The following KIF18A variants were observed in gnomAD, a reference collection of about 807,000 sequenced individuals.
The protein encoded by KIF18A is kinesin family member 18A.
In KIF18A, 67 loss-of-function variants were observed where a neutral mutation model predicts 103.3. That is an observed-to-expected ratio of 0.65 (90% CI 0.53 to 0.79). KIF18A has a LOEUF of 0.79. Among genes scored for constraint, KIF18A ranks in the 30% least tolerant of loss-of-function variants. The pLI, the probability that KIF18A is intolerant of heterozygous loss-of-function variation, is 0.00. For synonymous variants in KIF18A, 367 were observed against 355.5 expected (o/e 1.03, Z -0.36); for missense variants, 1,032 against 1,062.5 (o/e 0.97, Z 0.40).
chr11:28,095,099 C>T lies in KIF18A; in HGVS notation c.326-299G>A, dbSNP rs768468355. ...GTCTTCATCTTCCATCTTCTTTATC[C>T]TTTGCAATTTGTAGTCATCTTTATG... On this transcript the variant is annotated intron_variant, in intron 2 of 16. Coordinates refer to ENST00000263181, the MANE Select transcript of KIF18A (RefSeq NM_031217.4). Among the ~76,000 whole-genome samples, 5 of 152,262 alleles carry T rather than the reference C, an allele frequency of 3.3e-5. No homozygotes were observed. The South Asian group carries it at 8.3e-4, about 25-fold the overall frequency.
intron 1 of KIF18A, among the ~76,000 whole-genome samples, chr11:28,100,032 G>A (rs527897633): frequency 1.3e-5 from 2 of 152,236 alleles, no homozygotes; most frequent in East Asian, 1.9e-4. Context: ...AAAGGTGACA[G>A]AATTTACTGA....
intron 7 of KIF18A, among the ~76,000 whole-genome samples, chr11:28,084,020 A>C (rs890914958): frequency 2.0e-5 from 3 of 152,154 alleles, no homozygotes; most frequent in African/African-American, 7.2e-5. Flanking sequence ...TTAAACATAC[A>C]TATTTTGATA....
At chr11:28,107,289 C>A (rs185049562) in intron 1 of KIF18A, among the ~76,000 whole-genome samples, 4 of 152,044 alleles carry the variant, frequency 2.6e-5, no homozygotes, top group African/African-American at 9.6e-5. Flanking sequence ...ACCACAAAAT[C>A]AGTTCATTCT....
chr11:28,090,598 T>C lies in KIF18A; in HGVS notation c.699+19A>G, dbSNP rs367888464. ...ATTTTAAATCCAATTTTAAGAGTGA[T>C]AGTCTAGTGGCCTCTTACTTGGAAA... is the stretch of plus-strand genomic sequence containing the variant. On this transcript the variant is annotated intron_variant, in intron 5 of 16. Transcript: ENST00000263181. 55 of 1,221,466 alleles carry C rather than the reference T, an allele frequency of 4.5e-5. No homozygotes were observed. Among genetic ancestry groups the C allele is most frequent in the Non-Finnish European group, 6.4e-5 (53 of 831,820 alleles). 75.7% of individuals were successfully genotyped at this position (1,221,466 alleles called of 1,614,324 possible). A position where few individuals can be genotyped will look rare whatever the true frequency, so the allele number is the denominator to read the frequency against.
intron 7 of KIF18A, 112 bp from the exon 8 acceptor site, chr11:28,083,355 T>G (rs1851189244): frequency 1.7e-6 from 2 of 1,164,050 alleles, no homozygotes; most frequent in Admixed American, 7.4e-5. Flanking sequence ...TCAGAATTTG[T>G]GATAATTATG....
At chr11:28,089,679 G>A (rs963628210) in intron 5 of KIF18A, among the ~76,000 whole-genome samples, 23 of 152,164 alleles carry the variant, frequency 1.5e-4, no homozygotes, top group African/African-American at 5.1e-4. Context: ...GTCGTTATGC[G>A]GCACATGACT....
chr11:28,023,859 G>A lies in KIF18A; in HGVS notation c.2505-9C>T. ...AACTGTTTGATGTAGAACTTGAGAG[G>A]AAAAGTTTTTAATTTAGTTAAGCAT... is the stretch of plus-strand genomic sequence containing the variant. On this transcript the variant is annotated splice_polypyrimidine_tract_variant and intron_variant, in intron 15 of 16. Transcript: ENST00000263181. The A allele has an allele frequency of 6.4e-7, 1 of 1,553,106 alleles. No individual in the cohort carries two copies. Among genetic ancestry groups the A allele is most frequent in the Non-Finnish European group, 8.8e-7 (1 of 1,132,980 alleles).
intron 15 of KIF18A, among the ~76,000 whole-genome samples, chr11:28,034,735 T>C (rs1850459985): frequency 6.6e-6 from 1 of 151,752 alleles, no homozygotes; most frequent in Admixed American, 6.6e-5. Flanking sequence ...TCGGCCTCTA[T>C]GCCTTATGCC....
chr11:28,065,111 G>T lies in KIF18A; in HGVS notation c.1591-2595C>A, dbSNP rs148855142. On this transcript the variant is annotated intron_variant, in intron 11 of 16. Coordinates refer to ENST00000263181, the MANE Select transcript of KIF18A (RefSeq NM_031217.4). ...TCTGCATTAGGATAGCAGCAGAGGG[G>T]CATAAAGAGAAGTGGATAGATTCAG... Among the ~76,000 whole-genome samples the T allele has an allele frequency of 1.7e-3, 253 of 152,144 alleles. 1 individual carries two copies. Among genetic ancestry groups the T allele is most frequent in the African/African-American group, 5.9e-3 (244 of 41,546 alleles).
At chr11:28,095,663 T>C (rs1328039598) in intron 2 of KIF18A, among the ~76,000 whole-genome samples, 1 of 152,208 alleles carries the variant, frequency 6.6e-6, no homozygotes, top group Non-Finnish European at 1.5e-5. Context: ...CTTTGTTTCC[T>C]AGATTCTATT....
At chr11:28,040,476 G>A (rs1022660705) in intron 13 of KIF18A, among the ~76,000 whole-genome samples, 1 of 151,652 alleles carries the variant, frequency 6.6e-6, no homozygotes, top group African/African-American at 2.4e-5. Context: ...GGAACTTGGA[G>A]GCAGATTATA....
At chr11:28,023,397 C>G (rs1323304205) in intron 16 of KIF18A, among the ~76,000 whole-genome samples, 1 of 152,114 alleles carries the variant, frequency 6.6e-6, no homozygotes, top group Non-Finnish European at 1.5e-5. Flanking sequence ...TATAGTTTAT[C>G]TGCAAAATAC....
intron 15 of KIF18A, among the ~76,000 whole-genome samples, chr11:28,026,109 T>C (rs1850315784): frequency 1.3e-5 from 2 of 151,846 alleles, no homozygotes; most frequent in Admixed American, 1.3e-4. Flanking sequence ...AAATATTTGA[T>C]AGGCTAATCA....
At chr11:28,101,668 CTAT>C (rs1446156947) in intron 1 of KIF18A, among the ~76,000 whole-genome samples, 6 of 152,028 alleles carry the variant, frequency 3.9e-5, no homozygotes, top group Admixed American at 6.6e-5. Flanking sequence ...CAAGTGTTTG[CTAT>C]TATTATTTAC....
intron 6 of KIF18A, among the ~76,000 whole-genome samples, chr11:28,085,414 T>C (rs1415830594): frequency 6.6e-6 from 1 of 152,182 alleles, no homozygotes; most frequent in Non-Finnish European, 1.5e-5. Context: ...TTGTCCACTT[T>C]CATGTTCCTC....
intron 2 of KIF18A, among the ~76,000 whole-genome samples, chr11:28,095,486 C>T (rs765608946): frequency 6.6e-6 from 1 of 152,226 alleles, no homozygotes; most frequent in Non-Finnish European, 1.5e-5. Context: ...ACATCCCTCT[C>T]TTCTGGCATG....
At position 28,083,193 on chromosome 11, in the gene KIF18A, C is replaced by G; in HGVS notation, c.1125G>C (p.Lys375Asn). The change falls in exon 8 of 17, where the codon AAG becomes AAC. Residue 375 changes from lysine (K) to asparagine (N), a missense_variant. Physicochemically the swap from Lys to Asn is moderately conservative, Grantham distance 94. Transcript: ENST00000263181. ...CCTCTGCCTTCTGCTCATTACAGAT[C>G]TTTACATATTGAGTTATATGATTAT... Reference protein sequence around the residue: ...NVNNHITQYVKICNEQKAEIL... With the variant: ...NVNNHITQYVNICNEQKAEIL... The G allele has an allele frequency of 6.4e-7, 1 of 1,570,858 alleles. No individual in the cohort carries two copies. Among genetic ancestry groups the G allele is most frequent in the Non-Finnish European group, 8.6e-7 (1 of 1,167,732 alleles).
chr11:28,050,442 T>C (rs1370430093), intron 13 of KIF18A, among the ~76,000 whole-genome samples: 2 of 151,852 alleles, frequency 1.3e-5, no homozygotes, highest in African/African-American at 4.8e-5. Flanking sequence ...AGTATAGAGA[T>C]TTCCTATCTT....
chr11:28,075,573 TCTTTATCTTTGATTC>T (rs1460523941), intron 10 of KIF18A, among the ~76,000 whole-genome samples: 6 of 152,196 alleles, frequency 3.9e-5, no homozygotes, highest in African/African-American at 1.2e-4. Context: ...TTTTGTGGTG[TCTTTATCTTTGATTC>T]CTTTATCTTT....
Sources: gnomAD v4.1 joint callset for allele counts (sites outside exome capture counted in the v4.1 genomes callset) on GRCh38, gnomAD v4.1.1 for gene constraint, MANE v1.5 for transcripts, NCBI Gene and HGNC (gene_info 2026-07-23, HGNC 2026-07-21) for gene names.